Variants in PEX19 observed in about 807,000 individuals in gnomAD.
The protein encoded by PEX19 is 33 kDa housekeeping protein.
In PEX19, 29 loss-of-function variants were observed where a neutral mutation model predicts 36.3. That is an observed-to-expected ratio of 0.80 (90% confidence interval 0.60 to 1.09). The LOEUF (loss-of-function observed/expected upper bound fraction) is 1.09. Ranked by LOEUF, PEX19 falls within the 50% of genes least tolerant of loss-of-function variation. The pLI is 0.00. For synonymous variants in PEX19, 141 were observed against 135.2 expected (o/e 1.04, Z -0.30); for missense variants, 396 against 368.1 (o/e 1.08, Z -0.62).
intron 1 of PEX19, 26 bp downstream of exon 1, chr1:160,285,029 G>A (rs1465108718): frequency 2.6e-6 from 4 of 1,564,898 alleles, no homozygotes; most frequent in Non-Finnish European, 2.6e-6. Flanking sequence ...TGCCCTCTTC[G>A]GGCCTTTCCC....
chr1:160,280,370 A>T, intron 5 of PEX19, 124 bp from the exon 6 acceptor site: 1 of 907,316 alleles, frequency 1.1e-6, no homozygotes, highest in Non-Finnish European at 1.8e-6. Flanking sequence ...CTAAATAAGT[A>T]AGTTCATCAT....
rs1008779364 is a variant in PEX19 at position 160,279,532 on chromosome 1, G to T, written c.*19C>A. 1.2e-6 allele frequency: 2 copies of T among 1,604,270 alleles called. No homozygotes were observed. Among genetic ancestry groups the T allele is most frequent in the Non-Finnish European group, 1.7e-6 (2 of 1,170,986 alleles). The stretch of plus-strand genomic sequence containing the variant: ...ATGTTCCCCATAGCTGGGACTCAGA[G>T]AGGAAAACGTGTTGTGTTTCACATG... On this transcript the variant is annotated 3_prime_UTR_variant, in exon 8 of 8. Coordinates refer to ENST00000368072, the MANE Select transcript of PEX19 (RefSeq NM_002857.4).
chr1:160,283,700 G>C, intron 1 of PEX19, 61 bp from the exon 2 acceptor site: 1 of 1,302,540 alleles, frequency 7.7e-7, no homozygotes, highest in Non-Finnish European at 1.1e-6. Flanking sequence ...AGCAAGGCTG[G>C]GTGGTTTCTG....
rs1472067181 is a variant in PEX19 at position 160,278,426 on chromosome 1, T to C, written c.*1125A>G. 7 of 615,290 alleles carry C rather than the reference T, an allele frequency of 1.1e-5. No homozygotes were observed. In the Admixed American group the frequency reaches 1.3e-4, roughly 11 times the overall value. The allele number at this position is 615,290 out of a possible 1,614,324, so 38.1% of individuals were successfully genotyped here. On this transcript the variant is annotated 3_prime_UTR_variant, in exon 8 of 8. Transcript: ENST00000368072. ...ATATTGTGTAGAACTAGTCTCCTAATATACCTCACTCTGCAACTTACGGAA... is the reference window on the plus strand; with the variant it reads ...ATATTGTGTAGAACTAGTCTCCTAACATACCTCACTCTGCAACTTACGGAA...
rs193290301 is a variant in PEX19, at chr1:160,277,134, G to A, written c.*2417C>T. 0.027 allele frequency: 12,446 copies of A among 453,938 alleles called. 211 individuals are homozygous for A. The highest frequency in any genetic ancestry group is 0.038 in the Middle Eastern group (65 of 1,708). 28.1% of individuals were successfully genotyped at this position (453,938 alleles called of 1,614,324 possible). A position where few individuals can be genotyped will look rare whatever the true frequency, so the allele number is the denominator to read the frequency against. ...TCAGTTCTGCTAGGGTCTTCAGAGA[G>A]ACCGAGGGCCCCAAAACAGTGCTAC... On this transcript the variant is annotated 3_prime_UTR_variant, in exon 8 of 8. Transcript: ENST00000368072.
In PEX19 at chr1:160,277,644, G is replaced by A; in HGVS notation, c.*1907C>T. The A allele has an allele frequency of 2.2e-6, 1 of 454,422 alleles. No homozygotes were observed. The highest frequency in any genetic ancestry group is 4.4e-6 in the Non-Finnish European group (1 of 226,992). The allele number at this position is 454,422 out of a possible 1,614,324, so 28.1% of individuals were successfully genotyped here. On this transcript the variant is annotated 3_prime_UTR_variant, in exon 8 of 8. Transcript: ENST00000368072. ...ACTAGGGCATCTATTTAGATTCCTG[G>A]AGTAAGCCCTGGCTAGGCTAGCAGA...
intron 7 of PEX19, 72 bp from the exon 8 acceptor site, chr1:160,279,706 G>T: frequency 6.5e-7 from 1 of 1,531,380 alleles, no homozygotes; most frequent in East Asian, 2.2e-5. Context: ...ATCCCCAGTA[G>T]CCACAATTTT....
At chr1:160,284,143 T>C (rs759920459) in intron 1 of PEX19, 1 of 471,850 alleles carries the variant, frequency 2.1e-6, no homozygotes, top group Non-Finnish European at 4.4e-6. Flanking sequence ...GACTCCATGG[T>C]ACGGCATTAA....
chr1:160,278,266 A>G lies in PEX19; in HGVS notation c.*1285T>C, dbSNP rs1488581753. Reference sequence around the variant, plus strand: ...TAACAATAATGTAAAAGGTTAAAATATAATACCACTTGAAGGGCTTTCTAC... The same window carrying G: ...TAACAATAATGTAAAAGGTTAAAATGTAATACCACTTGAAGGGCTTTCTAC... On this transcript the variant is annotated 3_prime_UTR_variant, in exon 8 of 8. Transcript: ENST00000368072. The G allele has an allele frequency of 2.9e-6, 2 of 699,560 alleles. No individual in the cohort carries two copies. The highest frequency in any genetic ancestry group is 2.7e-5 in the East Asian group (1 of 37,234). 43.3% of individuals were successfully genotyped at this position (699,560 alleles called of 1,614,324 possible). A position where few individuals can be genotyped will look rare whatever the true frequency, so the allele number is the denominator to read the frequency against.
chr1:160,282,276 T>TA lies in PEX19; in HGVS notation c.433-77dup, dbSNP rs1413443107. 22 of 1,511,398 alleles carry TA rather than the reference T, an allele frequency of 1.5e-5. No homozygotes were observed. The African/African-American group carries it at 2.2e-4, about 15-fold the overall frequency. 93.6% of individuals were successfully genotyped at this position (1,511,398 alleles called of 1,614,324 possible). A position where few individuals can be genotyped will look rare whatever the true frequency, so the allele number is the denominator to read the frequency against. On this transcript the variant is annotated intron_variant, in intron 4 of 7. Transcript: ENST00000368072. ...TCACCACTCTCTCAGGTGACAAAGA[T>TA]AAACTATCTAAACTTGCCTGTAACA...
chr1:160,282,884 T>G, intron 3 of PEX19, 60 bp downstream of exon 3: 2 of 1,563,282 alleles, frequency 1.3e-6, no homozygotes, highest in Non-Finnish European at 1.8e-6. Context: ...TCTGGTGTTT[T>G]CAGGCAACAA....
In PEX19 at chr1:160,278,154, T is replaced by C. The variant is rs552990535; in HGVS notation, c.*1397A>G. ...ACCAACATATGTCAGCCAAGGTCCGTAGACCCACTGGGAGCCACAGAAAAA... is the reference window on the plus strand; with the variant it reads ...ACCAACATATGTCAGCCAAGGTCCGCAGACCCACTGGGAGCCACAGAAAAA... On this transcript the variant is annotated 3_prime_UTR_variant, in exon 8 of 8. Transcript: ENST00000368072. 6.7e-5 allele frequency: 47 copies of C among 702,574 alleles called. No homozygotes were observed. The highest frequency in any genetic ancestry group is 1.3e-4 in the East Asian group (5 of 37,290). The allele number at this position is 702,574 out of a possible 1,614,324, so 43.5% of individuals were successfully genotyped here. A position where few individuals can be genotyped will look rare whatever the true frequency, so the allele number is the denominator to read the frequency against.
intron 6 of PEX19, 74 bp from the exon 7 acceptor site, chr1:160,279,919 T>A: frequency 7.2e-7 from 1 of 1,388,768 alleles, no homozygotes; most frequent in Non-Finnish European, 1.0e-6. Flanking sequence ...AAGAGGAATC[T>A]AATGAATGAT....
rs202174805 is a variant in PEX19 at position 160,280,211 on chromosome 1, T to G, written c.630A>C (p.Leu210=). The change falls in exon 6 of 8, where the codon CTA becomes CTC. Residue 210 remains leucine, a synonymous_variant. Transcript: ENST00000368072. ...PEWLQSHRES[L]PPEQFEKYQE... ...GATATTTTTCAAACTGCTCTGGAGG[T>G]AGAGATTCCCGATGACTCTGCAACC... is the stretch of plus-strand genomic sequence containing the variant. 80 of 1,613,932 alleles carry G rather than the reference T, an allele frequency of 5.0e-5. No homozygotes were observed. Among genetic ancestry groups the G allele is most frequent in the East Asian group, 3.3e-4 (15 of 44,898 alleles).
chr1:160,279,694 C>A, intron 7 of PEX19, 60 bp from the exon 8 acceptor site: 2 of 1,538,246 alleles, frequency 1.3e-6, no homozygotes, highest in African/African-American at 2.7e-5. Context: ...ACGTGAAGAT[C>A]CATCCCCAGT....
Position 160,277,387 on chromosome 1 carries a change from C to A in PEX19, c.*2164G>T. 1 of 456,068 alleles carries A rather than the reference C, an allele frequency of 2.2e-6. No individual in the cohort carries two copies. The highest frequency in any genetic ancestry group is 4.4e-6 in the Non-Finnish European group (1 of 226,802). The allele number at this position is 456,068 out of a possible 1,614,324, so 28.3% of individuals were successfully genotyped here. A position where few individuals can be genotyped will look rare whatever the true frequency, so the allele number is the denominator to read the frequency against. The stretch of plus-strand genomic sequence containing the variant: ...GGCAGCACACAGTGTGAACTCCATA[C>A]CTGTCATGGGCAATAGGAATGCATA... On this transcript the variant is annotated 3_prime_UTR_variant, in exon 8 of 8. Transcript: ENST00000368072.
intron 3 of PEX19, 85 bp downstream of exon 3, chr1:160,282,859 A>G: frequency 2.8e-6 from 4 of 1,418,030 alleles, no homozygotes; most frequent in Non-Finnish European, 4.0e-6. Flanking sequence ...GATTGCTATC[A>G]ACTTCACTAA....
intron 5 of PEX19, among the ~76,000 whole-genome samples, chr1:160,280,488 C>T (rs540081049): frequency 6.6e-6 from 1 of 152,050 alleles, no homozygotes; most frequent in Admixed American, 6.5e-5. Flanking sequence ...TTTTAGGCTT[C>T]AAGGGCCACA....
rs1257487226 is a variant in PEX19, at chr1:160,277,115, C to T, written c.*2436G>A. ...CAAGAGATACAGGTAGGTATCAGTT[C>T]TGCTAGGGTCTTCAGAGAGACCGAG... On this transcript the variant is annotated 3_prime_UTR_variant, in exon 8 of 8. Transcript: ENST00000368072. 5 of 453,784 alleles carry T rather than the reference C, an allele frequency of 1.1e-5. No homozygotes were observed. The Admixed American group carries it at 1.2e-4, about 11-fold the overall frequency. 28.1% of individuals were successfully genotyped at this position (453,784 alleles called of 1,614,324 possible).
Sources: allele counts gnomAD v4.1 joint callset (sites outside exome capture counted in the v4.1 genomes callset), GRCh38; gene constraint gnomAD v4.1.1; transcripts MANE v1.5; gene names NCBI Gene and HGNC (gene_info 2026-07-23, HGNC 2026-07-21).